The following FBXL7 variants were observed in gnomAD, a reference collection of about 807,000 sequenced individuals.
The protein encoded by FBXL7 is F-box/LRR-repeat protein 7.
FBXL7 carries 12 observed loss-of-function variants against 38.3 expected under a neutral mutation model. That is an observed-to-expected ratio of 0.31 (90% CI 0.20 to 0.51). The LOEUF (loss-of-function observed/expected upper bound fraction) is 0.51. FBXL7 is among the 20% of genes least tolerant of loss of function. FBXL7 has a pLI of 0.98. For missense variants in FBXL7, 567 were observed against 676.4 expected, an observed-to-expected ratio of 0.84 and a Z score of 1.79; for synonymous variants, 297 against 300.9, an observed-to-expected ratio of 0.99 and a Z score of 0.13.
chr5:15,679,689 C>T (rs886888859), intron 2 of FBXL7, among the ~76,000 whole-genome samples: 1 of 151,816 alleles, frequency 6.6e-6, no homozygotes, highest in Non-Finnish European at 1.5e-5. Flanking sequence ...TGGAGTACCC[C>T]CCAAAAAATA....
chr5:15,611,702 G>A (rs1740241303), intron 1 of FBXL7, among the ~76,000 whole-genome samples: 1 of 152,038 alleles, frequency 6.6e-6, no homozygotes, highest in Non-Finnish European at 1.5e-5. Context: ...AACTGTATTG[G>A]CCAGGCATGA....
chr5:15,523,549 ACT>A (rs1433496142), intron 1 of FBXL7, among the ~76,000 whole-genome samples: 1 of 148,154 alleles, frequency 6.7e-6, no homozygotes, highest in Non-Finnish European at 1.5e-5. Flanking sequence ...GCAGAATGAG[ACT>A]CTGTCTCAAA....
chr5:15,670,803 AAAAAAT>A (rs990285170), intron 2 of FBXL7, among the ~76,000 whole-genome samples: 4 of 150,950 alleles, frequency 2.6e-5, no homozygotes, highest in Non-Finnish European at 5.9e-5. Flanking sequence ...TCCCACTCAA[AAAAAAT>A]AAAAATAAAA....
At chr5:15,857,082 C>T (rs1415091019) in intron 2 of FBXL7, among the ~76,000 whole-genome samples, 1 of 152,162 alleles carries the variant, frequency 6.6e-6, no homozygotes, top group East Asian at 1.9e-4. Context: ...AATTTATACT[C>T]CCATGGCACT....
intron 2 of FBXL7, 26 bp from the exon 3 acceptor site, chr5:15,927,864 A>G (rs1741924084): frequency 6.7e-7 from 1 of 1,502,550 alleles, no homozygotes; most frequent in Non-Finnish European, 8.9e-7. Context: ...CATCATGATT[A>G]ACCTTTGTTC....
At chr5:15,912,974 A>C (rs376524604) in intron 2 of FBXL7, among the ~76,000 whole-genome samples, 6 of 152,322 alleles carry the variant, frequency 3.9e-5, no homozygotes, top group African/African-American at 1.2e-4. Flanking sequence ...GACCCTTAGC[A>C]GAGAAATTAA....
chr5:15,773,800 A>G (rs1579451172), intron 2 of FBXL7, among the ~76,000 whole-genome samples: 1 of 152,134 alleles, frequency 6.6e-6, no homozygotes, highest in African/African-American at 2.4e-5. Context: ...ATATGGTTCT[A>G]TGTAAACTAC....
At chr5:15,712,448 C>G (rs533157095) in intron 2 of FBXL7, among the ~76,000 whole-genome samples, 4 of 151,630 alleles carry the variant, frequency 2.6e-5, no homozygotes, top group African/African-American at 9.7e-5. Flanking sequence ...AGATTATGGG[C>G]AATTGCACAG....
chr5:15,752,335 A>AG (rs1443108356), intron 2 of FBXL7, among the ~76,000 whole-genome samples: 7 of 151,364 alleles, frequency 4.6e-5, no homozygotes, highest in Non-Finnish European at 8.9e-5. Flanking sequence ...CTTGGGGGAA[A>AG]AATGGAAGGA....
intron 2 of FBXL7, among the ~76,000 whole-genome samples, chr5:15,887,079 T>C (rs555188389): frequency 1.3e-5 from 2 of 152,314 alleles, no homozygotes; most frequent in South Asian, 4.1e-4. Context: ...TATAAATGTG[T>C]ATCTCCCATA....
chr5:15,714,486 G>A (rs1231005494), intron 2 of FBXL7, among the ~76,000 whole-genome samples: 2 of 150,308 alleles, frequency 1.3e-5, no homozygotes, highest in Non-Finnish European at 2.9e-5. Flanking sequence ...ACTACACAAG[G>A]TAATGTGGAG....
intron 2 of FBXL7, among the ~76,000 whole-genome samples, chr5:15,642,584 CTG>C (rs1741403263): frequency 6.6e-6 from 1 of 152,216 alleles, no homozygotes; most frequent in South Asian, 2.1e-4. Flanking sequence ...TGAGAACTAA[CTG>C]AGCCTTTCAG....
At chr5:15,646,975 G>A (rs6878966) in intron 2 of FBXL7, among the ~76,000 whole-genome samples, 17 of 152,054 alleles carry the variant, frequency 1.1e-4, no homozygotes, top group African/African-American at 4.1e-4. Flanking sequence ...CAGGAAAACC[G>A]CTAATTTAGT....
chr5:15,659,210 C>T (rs549140138), intron 2 of FBXL7, among the ~76,000 whole-genome samples: 1 of 151,446 alleles, frequency 6.6e-6, no homozygotes, highest in African/African-American at 2.4e-5. Context: ...AATTATAATC[C>T]AAATAACAAA....
At chr5:15,917,390 C>G in intron 2 of FBXL7, among the ~76,000 whole-genome samples, 1 of 152,068 alleles carries the variant, frequency 6.6e-6, no homozygotes, top group East Asian at 1.9e-4. Context: ...GTGGCAAGAT[C>G]ACTTGAGCCC....
chr5:15,606,828 C>T (rs762671887), intron 1 of FBXL7: 2 of 152,230 alleles, frequency 1.3e-5, no homozygotes, highest in Non-Finnish European at 2.9e-5. Context: ...TTCTCTGCCT[C>T]CTCATCTCGC....
At chr5:15,687,242 G>A (rs1383933545) in intron 2 of FBXL7, among the ~76,000 whole-genome samples, 1 of 152,242 alleles carries the variant, frequency 6.6e-6, no homozygotes, top group Admixed American at 6.5e-5. Context: ...AAATCCACAT[G>A]GCTGATTGTA....
intron 2 of FBXL7, among the ~76,000 whole-genome samples, chr5:15,690,033 G>A (rs1368591456): frequency 6.6e-6 from 1 of 152,222 alleles, no homozygotes; most frequent in African/African-American, 2.4e-5. Context: ...AGGGATGAGA[G>A]TTATGTGCAA....
chr5:15,556,040 TATC>T (rs570211509), intron 1 of FBXL7, among the ~76,000 whole-genome samples: 16 of 151,074 alleles, frequency 1.1e-4, no homozygotes, highest in African/African-American at 2.7e-4. Flanking sequence ...ATCATCTACT[TATC>T]ATCTATTATC....
Sources: allele counts gnomAD v4.1 joint callset (sites outside exome capture counted in the v4.1 genomes callset), GRCh38; gene constraint gnomAD v4.1.1; transcripts MANE v1.5; gene names NCBI Gene and HGNC (gene_info 2026-07-23, HGNC 2026-07-21).